GRM7: variants seen among roughly 807,000 people sequenced by gnomAD.
GRM7 encodes the protein metabotropic glutamate receptor 7.
In GRM7, 35 loss-of-function variants were observed where a neutral mutation model predicts 84.5. The observed-to-expected ratio is 0.41, with a 90% CI of 0.32 to 0.55. The LOEUF (loss-of-function observed/expected upper bound fraction) is 0.55. GRM7 is among the 20% of genes least tolerant of loss of function. The pLI is 0.19. For synonymous variants in GRM7, 487 were observed against 455.1 expected, an observed-to-expected ratio of 1.07 and a Z score of -0.89; for missense variants, 1,003 against 1,194.6, an observed-to-expected ratio of 0.84 and a Z score of 2.36.
rs57052217 is a variant in GRM7, at chr3:7,355,862, T to C, written c.1033+49210T>C. ...TCTCTCTCCCAGTCTGCACCTGTGG[T>C]TTCATGGGGAGGTTCCTAGATCAGC... On this transcript the variant is annotated intron_variant, in intron 4 of 9. Coordinates refer to ENST00000357716, the MANE Select transcript of GRM7 (RefSeq NM_000844.4). Among the ~76,000 whole-genome samples the C allele has an allele frequency of 6.1e-3, 934 of 152,196 alleles. 6 individuals carry two copies. Among genetic ancestry groups the C allele is most frequent in the African/African-American group, 0.021 (880 of 41,540 alleles).
intron 1 of GRM7, among the ~76,000 whole-genome samples, chr3:6,864,936 A>G (rs539324358): frequency 6.6e-6 from 1 of 152,340 alleles, no homozygotes; most frequent in South Asian, 2.1e-4. Context: ...GATTGAAGAC[A>G]TAAGCTTAGC....
intron 1 of GRM7, among the ~76,000 whole-genome samples, chr3:7,080,931 G>A (rs569694526): frequency 4.3e-4 from 65 of 152,086 alleles, no homozygotes; most frequent in Non-Finnish European, 7.5e-4. Context: ...TTCATTCATT[G>A]TATAATGGAG....
intron 1 of GRM7, among the ~76,000 whole-genome samples, chr3:6,992,973 T>A (rs1429338792): frequency 6.6e-6 from 1 of 152,246 alleles, no homozygotes; most frequent in African/African-American, 2.4e-5. Flanking sequence ...GTTTTCATAC[T>A]GTTAATAAAG....
At chr3:7,467,601 C>T (rs17662322) in intron 7 of GRM7, among the ~76,000 whole-genome samples, 24,510 of 151,982 alleles carry the variant, frequency 0.16, 2,359 homozygotes, top group South Asian at 0.37. Context: ...GGGAGTCATT[C>T]TGAGGCCACC....
At chr3:7,499,984 C>T (rs150682162) in intron 7 of GRM7, among the ~76,000 whole-genome samples, 1 of 152,228 alleles carries the variant, frequency 6.6e-6, no homozygotes, top group Non-Finnish European at 1.5e-5. Context: ...CCGTGTTAGC[C>T]AGAATGGTCT....
At chr3:7,154,315 A>C (rs1157789548) in intron 2 of GRM7, among the ~76,000 whole-genome samples, 1 of 152,188 alleles carries the variant, frequency 6.6e-6, no homozygotes, top group Non-Finnish European at 1.5e-5. Context: ...TCAGATGTTT[A>C]TCTTCCTAAT....
rs773793800 is a variant in GRM7 at position 7,579,103 on chromosome 3, G to A, written c.2197G>A (p.Asp733Asn). The change falls in exon 8 of 10, where the codon GAT becomes AAT. Residue 733 changes from aspartate to asparagine, a missense_variant. By Grantham distance (23) the Asp-to-Asn change is conservative. This residue lies in a region of GRM7 where 910 missense variants were observed against 1,126.0 expected (regional missense o/e 0.81). Transcript: ENST00000357716. ...VDPPNIIIDY[D>N]EHKTMNPEQA... is the part of the protein sequence containing the mutation. ...TCCACCCAACATCATCATAGACTAT[G>A]ATGAACACAAGACAATGAACCCTGA... The A allele has an allele frequency of 2.2e-5, 36 of 1,613,838 alleles. No homozygotes were observed. The East Asian group carries it at 6.2e-4, about 28-fold the overall frequency.
intron 8 of GRM7, among the ~76,000 whole-genome samples, chr3:7,653,180 C>CTTTTTTTTTTTTT (rs1218949173): frequency 7.8e-5 from 7 of 89,522 alleles, no homozygotes; most frequent in Admixed American, 2.7e-4. Flanking sequence ...ATACTATATC[C>CTTTTTTTTTTTTT]TTTTTTTTTT....
intron 1 of GRM7, among the ~76,000 whole-genome samples, chr3:7,116,884 T>C (rs1693053217): frequency 6.6e-6 from 1 of 152,186 alleles, no homozygotes; most frequent in Admixed American, 6.6e-5. Flanking sequence ...TCAATTGCTA[T>C]AGATTGAGGA....
intron 2 of GRM7, among the ~76,000 whole-genome samples, chr3:7,178,684 A>G (rs1695235898): frequency 1.3e-5 from 2 of 152,176 alleles, no homozygotes; most frequent in African/African-American, 4.8e-5. Flanking sequence ...AACTGGCCTA[A>G]CACAGTTGGG....
At chr3:7,229,009 A>G (rs1396042417) in intron 2 of GRM7, among the ~76,000 whole-genome samples, 3 of 152,140 alleles carry the variant, frequency 2.0e-5, no homozygotes, top group Non-Finnish European at 2.9e-5. Flanking sequence ...TTCTTTCAAA[A>G]CCTCATATTA....
chr3:7,002,618 C>T (rs1695049375), intron 1 of GRM7, among the ~76,000 whole-genome samples: 1 of 152,004 alleles, frequency 6.6e-6, no homozygotes, highest in Non-Finnish European at 1.5e-5. Flanking sequence ...AGTTATAACG[C>T]TACAGTACAT....
At chr3:7,351,371 C>G (rs1328846502) in intron 4 of GRM7, among the ~76,000 whole-genome samples, 1 of 137,886 alleles carries the variant, frequency 7.3e-6, no homozygotes, top group Non-Finnish European at 1.5e-5. Context: ...AAACAACTGA[C>G]TTATAAACTG....
At chr3:7,279,602 A>G (rs1876614) in intron 2 of GRM7, among the ~76,000 whole-genome samples, 136,798 of 152,168 alleles carry the variant, frequency 0.9, 61,754 homozygotes, top group East Asian at 0.98. Context: ...GAATTCAATA[A>G]ATGTGTGCAG....
intron 2 of GRM7, among the ~76,000 whole-genome samples, chr3:7,215,668 AAAAT>A (rs71063288): frequency 1.7e-4 from 25 of 150,180 alleles, no homozygotes; most frequent in South Asian, 2.1e-4. Context: ...CTGTCTCAAA[AAAAT>A]AAATAAATAA....
intron 4 of GRM7, among the ~76,000 whole-genome samples, chr3:7,374,281 A>G (rs2125121235): frequency 6.6e-6 from 1 of 152,006 alleles, no homozygotes; most frequent in East Asian, 1.9e-4. Context: ...ATGCTGTTCA[A>G]GCGATTTTCC....
intron 1 of GRM7, among the ~76,000 whole-genome samples, chr3:6,908,866 A>G (rs1696671739): frequency 2.0e-5 from 3 of 152,142 alleles, no homozygotes; most frequent in Admixed American, 2.0e-4. Context: ...TGACTGCTGA[A>G]GTGAATGCTT....
At chr3:7,609,271 A>G (rs753731203) in intron 8 of GRM7, among the ~76,000 whole-genome samples, 2 of 152,132 alleles carry the variant, frequency 1.3e-5, no homozygotes, top group Non-Finnish European at 2.9e-5. Context: ...GAAATGATGT[A>G]GACATCCAAC....
intron 1 of GRM7, among the ~76,000 whole-genome samples, chr3:7,115,755 A>G (rs1317137923): frequency 6.6e-6 from 1 of 152,142 alleles, no homozygotes; most frequent in African/African-American, 2.4e-5. Context: ...ACATTATTCC[A>G]GATTAATTCC....
Sources: gnomAD v4.1 joint callset for allele counts (sites outside exome capture counted in the v4.1 genomes callset) on GRCh38, gnomAD v4.1.1 for gene constraint, gnomAD v4.1.1 regional missense constraint, MANE v1.5 for transcripts, NCBI Gene and HGNC (gene_info 2026-07-23, HGNC 2026-07-21) for gene names.